The following SLC9A2 variants were observed in gnomAD, a reference collection of about 807,000 sequenced individuals.
SLC9A2 encodes the protein sodium/hydrogen exchanger 2.
A neutral mutation model predicts 71.7 loss-of-function variants in SLC9A2; 42 were observed. The observed-to-expected ratio is 0.59, with a 90% confidence interval of 0.46 to 0.76. The LOEUF (loss-of-function observed/expected upper bound fraction) is 0.76, where lower values mean the gene tolerates loss of function less well. Ranked by LOEUF, SLC9A2 falls within the 30% of genes least tolerant of loss-of-function variation. The probability of loss-of-function intolerance (pLI) is 0.00; values close to 1 mark genes in which losing one functional copy is unlikely to be tolerated. For missense variants in SLC9A2, 829 were observed against 1,017.4 expected, an observed-to-expected ratio of 0.81 and a Z score of 2.52; for synonymous variants, 396 against 392.5, an observed-to-expected ratio of 1.01 and a Z score of -0.10.
At chr2:102,695,802 A>ATATATATAATATATATTATATATATAT (rs1677754159) in intron 7 of SLC9A2, among the ~76,000 whole-genome samples, 2 of 44,196 alleles carry the variant, frequency 4.5e-5, no homozygotes, top group African/African-American at 1.2e-4. Context: ...TATATATATT[A>ATATATATAATATATATTATATATATAT]TATATATATA....
intron 3 of SLC9A2, among the ~76,000 whole-genome samples, chr2:102,678,762 A>G (rs1558717490): frequency 6.6e-6 from 1 of 152,140 alleles, no homozygotes; most frequent in Non-Finnish European, 1.5e-5. Flanking sequence ...GTTTCTTGTG[A>G]TTCTTTTAGA....
At chr2:102,636,795 G>A (rs1039196690) in intron 1 of SLC9A2, among the ~76,000 whole-genome samples, 2 of 152,142 alleles carry the variant, frequency 1.3e-5, no homozygotes, top group African/African-American at 2.4e-5. Flanking sequence ...GCACTGGCAC[G>A]CCCTAGTGGC....
intron 1 of SLC9A2, among the ~76,000 whole-genome samples, chr2:102,652,553 C>T (rs1676854457): frequency 1.3e-5 from 2 of 152,168 alleles, no homozygotes; most frequent in South Asian, 4.1e-4. Flanking sequence ...TCTGAATGAA[C>T]CCTCACACCC....
In SLC9A2 at chr2:102,619,924, G is replaced by T. The variant is rs1676101825; in HGVS notation, c.76G>T (p.Ala26Ser). ...GCTGTTGCTGCTGCTCCTGCAGGTG[G>T]CGGGGCCCGTGGGCGCCCTGGCGGA... is the stretch of plus-strand genomic sequence containing the variant. ...PMLLLLLLQV[A>S]GPVGALAETL... The change falls in exon 1 of 12, where the codon GCG (alanine) becomes TCG (serine). Residue 26 changes from alanine (A) to serine (S), a missense_variant. By Grantham distance (99) the Ala-to-Ser change is moderately conservative (BLOSUM62 1). This residue lies in a region of SLC9A2 where 106 missense variants were observed against 93.5 expected (regional missense o/e 1.13). Transcript: ENST00000233969. The surrounding 1 kb of genome is among the most constrained non-coding windows in gnomAD (Gnocchi z 4.3). The T allele has an allele frequency of 1.2e-6, 2 of 1,603,624 alleles. No individual in the cohort carries two copies. Among genetic ancestry groups the T allele is most frequent in the Non-Finnish European group, 1.7e-6 (2 of 1,174,770 alleles).
chr2:102,621,490 A>G (rs1289339404), intron 1 of SLC9A2, among the ~76,000 whole-genome samples: 19 of 152,050 alleles, frequency 1.2e-4, no homozygotes. Context: ...ATGGTGCTTT[A>G]TATTATTTTT....
intron 1 of SLC9A2, among the ~76,000 whole-genome samples, chr2:102,640,912 A>C (rs944246871): frequency 3.3e-5 from 5 of 152,190 alleles, no homozygotes; most frequent in Admixed American, 2.0e-4. Context: ...GGATTCTGAA[A>C]GTCTTGTAAG....
chr2:102,686,044 A>G (rs1573427459), intron 5 of SLC9A2, among the ~76,000 whole-genome samples: 3 of 152,206 alleles, frequency 2.0e-5, no homozygotes, highest in African/African-American at 7.2e-5. Flanking sequence ...AAAAAGGAGG[A>G]AGATCAGGAG....
chr2:102,650,059 T>A (rs1274928193), intron 1 of SLC9A2, among the ~76,000 whole-genome samples: 2 of 152,138 alleles, frequency 1.3e-5, no homozygotes, highest in Non-Finnish European at 2.9e-5. Flanking sequence ...TAGCAAAGAC[T>A]TCCAACCAAC....
chr2:102,636,299 T>C lies in SLC9A2; in HGVS notation c.289+16162T>C, dbSNP rs189241511. Among the ~76,000 whole-genome samples, 4 of 152,308 alleles carry C rather than the reference T, an allele frequency of 2.6e-5. No individual in the cohort carries two copies. The East Asian group carries it at 5.8e-4, about 22-fold the overall frequency. On this transcript the variant is annotated intron_variant, in intron 1 of 11. Transcript: ENST00000233969. ...TTGGAAAATACAGTCTTTTACCAAA[T>C]GGGATAGTTTCTTAGTTTAGCCTGA...
intron 5 of SLC9A2, among the ~76,000 whole-genome samples, chr2:102,690,365 C>A (rs780597081): frequency 1.0e-3 from 154 of 152,240 alleles, no homozygotes; most frequent in Non-Finnish European, 1.8e-3. Context: ...GAGAACAAAA[C>A]CCCAACTGGC....
rs1160939520 is a variant in SLC9A2 at position 102,709,476 on chromosome 2, C to T, written c.*987C>T. On this transcript the variant is annotated 3_prime_UTR_variant, in exon 12 of 12. Coordinates refer to ENST00000233969, the MANE Select transcript of SLC9A2 (RefSeq NM_003048.6). ...GTAGAGTGTTGTTTGAATTTTGAGC[C>T]TCCAGGTTAGAGGCTCCAAGCAGAC... is the stretch of plus-strand genomic sequence containing the variant. 1.3e-5 allele frequency: 2 copies of T among 152,382 alleles called. No individual in the cohort carries two copies. Among genetic ancestry groups the T allele is most frequent in the Non-Finnish European group, 2.9e-5 (2 of 68,038 alleles). The allele number at this position is 152,382 out of a possible 1,614,324, so 9.4% of individuals were successfully genotyped here. A position where few individuals can be genotyped will look rare whatever the true frequency, so the allele number is the denominator to read the frequency against.
intron 5 of SLC9A2, among the ~76,000 whole-genome samples, chr2:102,690,867 C>G (rs1160147386): frequency 1.3e-5 from 2 of 151,202 alleles, no homozygotes; most frequent in Non-Finnish European, 2.9e-5. Context: ...TGGAAATTAC[C>G]TGATAATCAG....
At chr2:102,671,586 G>C (rs568050297) in intron 3 of SLC9A2, among the ~76,000 whole-genome samples, 1 of 152,304 alleles carries the variant, frequency 6.6e-6, no homozygotes, top group South Asian at 2.1e-4. Flanking sequence ...TTAACCTAGA[G>C]AAATGTAAAC....
intron 7 of SLC9A2, among the ~76,000 whole-genome samples, chr2:102,700,170 G>C (rs1677846155): frequency 6.6e-6 from 1 of 152,174 alleles, no homozygotes; most frequent in Admixed American, 6.5e-5. Flanking sequence ...TATCAGTTCA[G>C]TTTGAATATG....
At chr2:102,669,902 C>T (rs932345500) in intron 3 of SLC9A2, among the ~76,000 whole-genome samples, 3 of 152,186 alleles carry the variant, frequency 2.0e-5, no homozygotes, top group Admixed American at 6.5e-5. Flanking sequence ...ATAAGTGGGA[C>T]ATTGGAAACA....
chr2:102,680,298 G>A (rs183586410), intron 3 of SLC9A2, among the ~76,000 whole-genome samples: 118 of 152,080 alleles, frequency 7.8e-4, no homozygotes, highest in Non-Finnish European at 1.4e-3. Flanking sequence ...TATTGCCCTT[G>A]ATACTTTGTA....
At chr2:102,640,558 A>G (rs1219772816) in intron 1 of SLC9A2, among the ~76,000 whole-genome samples, 1 of 152,228 alleles carries the variant, frequency 6.6e-6, no homozygotes, top group Non-Finnish European at 1.5e-5. Context: ...AAAGGGATAC[A>G]GATGAGCATC....
At chr2:102,670,980 C>T (rs1314741962) in intron 3 of SLC9A2, among the ~76,000 whole-genome samples, 2 of 149,862 alleles carry the variant, frequency 1.3e-5, no homozygotes, top group Non-Finnish European at 3.0e-5. Flanking sequence ...ATAACCAGTT[C>T]AACATGTTTA....
chr2:102,700,869 A>G (rs922759121), intron 7 of SLC9A2, among the ~76,000 whole-genome samples: 1 of 152,080 alleles, frequency 6.6e-6, no homozygotes, highest in East Asian at 1.9e-4. Flanking sequence ...ATACATACGC[A>G]TACACATATA....
Sources: allele counts gnomAD v4.1 joint callset (sites outside exome capture counted in the v4.1 genomes callset), GRCh38; gene constraint gnomAD v4.1.1; regional missense constraint gnomAD v4.1.1; non-coding constraint Gnocchi (gnomAD v3.1); transcripts MANE v1.5; gene names NCBI Gene and HGNC (gene_info 2026-07-23, HGNC 2026-07-21).